Variants in ELMO1 observed in about 807,000 individuals in gnomAD.
ELMO1 encodes the protein engulfment and cell motility 1, also known as engulfment and cell motility protein 1.
Under a neutral mutation model 98.9 loss-of-function variants are expected in ELMO1, and 26 were observed. The observed-to-expected ratio is 0.26, with a 90% CI of 0.19 to 0.36. ELMO1 has a LOEUF of 0.36. Among genes scored for constraint, ELMO1 ranks in the 10% least tolerant of loss-of-function variants. ELMO1 has a pLI of 1.00. For missense variants in ELMO1, 627 were observed against 935.2 expected (o/e 0.67, Z 4.30); for synonymous variants, 346 against 346.0 (o/e 1.00, Z 0.00).
intron 15 of ELMO1, among the ~76,000 whole-genome samples, chr7:37,081,605 G>A (rs966372572): frequency 1.3e-5 from 2 of 152,202 alleles, no homozygotes; most frequent in African/African-American, 2.4e-5. Context: ...CACGAGACAA[G>A]GGGAAACCCC....
chr7:37,030,248 T>A (rs549162109), intron 15 of ELMO1, among the ~76,000 whole-genome samples: 3 of 152,344 alleles, frequency 2.0e-5, no homozygotes, highest in African/African-American at 7.2e-5. Context: ...AACTTCCTCC[T>A]ATGTGAAATG....
At chr7:37,123,533 C>G (rs1276049856) in intron 14 of ELMO1, among the ~76,000 whole-genome samples, 1 of 152,194 alleles carries the variant, frequency 6.6e-6, no homozygotes, top group African/African-American at 2.4e-5. Context: ...ACTAGAAAAT[C>G]TAGAAGAAAT....
At chr7:37,333,302 A>C (rs1800233226) in intron 2 of ELMO1, among the ~76,000 whole-genome samples, 1 of 152,202 alleles carries the variant, frequency 6.6e-6, no homozygotes, top group Non-Finnish European at 1.5e-5. Flanking sequence ...ATAAGCACAA[A>C]GTGTAACATT....
chr7:37,367,819 A>T (rs1449568158), intron 1 of ELMO1, among the ~76,000 whole-genome samples: 1 of 152,220 alleles, frequency 6.6e-6, no homozygotes, highest in African/African-American at 2.4e-5. Context: ...ATTTTATAGC[A>T]TATAAAGCAA....
chr7:37,339,352 T>C (rs1800595340), intron 2 of ELMO1, among the ~76,000 whole-genome samples: 1 of 152,182 alleles, frequency 6.6e-6, no homozygotes, highest in Admixed American at 6.5e-5. Context: ...GTTCAGTTGA[T>C]AGACAAGGAC....
intron 20 of ELMO1, among the ~76,000 whole-genome samples, chr7:36,863,214 C>A (rs1802769433): frequency 6.6e-6 from 1 of 152,172 alleles, no homozygotes; most frequent in African/African-American, 2.4e-5. Context: ...GGGAGCTATT[C>A]TGCAAAAATG....
chr7:37,434,200 T>C (rs1805048210), intron 1 of ELMO1, among the ~76,000 whole-genome samples: 1 of 152,208 alleles, frequency 6.6e-6, no homozygotes, highest in African/African-American at 2.4e-5. Context: ...GGTTGCCTCA[T>C]TAGGTGGTAC....
chr7:37,119,102 C>G (rs376441821), intron 14 of ELMO1, among the ~76,000 whole-genome samples: 1 of 152,120 alleles, frequency 6.6e-6, no homozygotes, highest in South Asian at 2.1e-4. Flanking sequence ...AGGGGTGGTG[C>G]AAGAAATAAA....
At chr7:37,407,728 T>C (rs1223789337) in intron 1 of ELMO1, among the ~76,000 whole-genome samples, 1 of 152,186 alleles carries the variant, frequency 6.6e-6, no homozygotes, top group Non-Finnish European at 1.5e-5. Flanking sequence ...TTCTTTTGTA[T>C]GACAGAATAA....
rs1213700004 is a variant in ELMO1 at position 36,870,407 on chromosome 7, G to A, written c.1891C>T (p.Leu631Phe). The A allele has an allele frequency of 5.6e-6, 9 of 1,614,064 alleles. No individual in the cohort carries two copies. Among genetic ancestry groups the A allele is most frequent in the Admixed American group, 5.0e-5 (3 of 60,022 alleles). ...DCPHMKEKGALKQNKEVLELA... is the reference protein window; with the variant it reads ...DCPHMKEKGAFKQNKEVLELA... ...GGAAATCATACCTTGTTTTGTTTAA[G>A]GGCACCTTTCTCTTTCATATGAGGG... Residue 631 changes from leucine (L) to phenylalanine (F), a missense_variant, in exon 20 of 22, where the codon CTT becomes TTT. By Grantham distance (22) the Leu-to-Phe change is conservative. Coordinates refer to ENST00000310758, the MANE Select transcript of ELMO1 (RefSeq NM_014800.11). The surrounding 1 kb of genome is among the most constrained non-coding windows in gnomAD (Gnocchi z 4.4).
rs555659389 is a variant in ELMO1, at chr7:37,403,932, A to G, written c.-74+44743T>C. Among the ~76,000 whole-genome samples, 5 of 152,314 alleles carry G rather than the reference A, an allele frequency of 3.3e-5. No individual in the cohort carries two copies. In the East Asian group the frequency reaches 9.7e-4, roughly 29 times the overall value. On this transcript the variant is annotated intron_variant, in intron 1 of 21. Coordinates refer to ENST00000310758, the MANE Select transcript of ELMO1 (RefSeq NM_014800.11). ...TTGTTGTTCATTCATAATAATGGAT[A>G]CTAGTTTAATTATAACAAATGTACC...
chr7:37,360,047 C>T (rs994229558), intron 1 of ELMO1, among the ~76,000 whole-genome samples: 1 of 152,138 alleles, frequency 6.6e-6, no homozygotes, highest in African/African-American at 2.4e-5. Flanking sequence ...TCATAATTTC[C>T]GTTCTGGTAA....
intron 13 of ELMO1, among the ~76,000 whole-genome samples, chr7:37,198,645 C>T (rs1216411313): frequency 6.6e-6 from 1 of 152,236 alleles, no homozygotes; most frequent in Non-Finnish European, 1.5e-5. Flanking sequence ...AATTGACTTG[C>T]TTATACATTA....
intron 13 of ELMO1, among the ~76,000 whole-genome samples, chr7:37,167,921 T>C (rs1344553944): frequency 6.6e-6 from 1 of 152,298 alleles, no homozygotes; most frequent in South Asian, 2.1e-4. Flanking sequence ...CTGGATAATA[T>C]CCTGTAGAGT....
intron 16 of ELMO1, among the ~76,000 whole-genome samples, chr7:36,922,696 A>T (rs1162097919): frequency 1.3e-5 from 2 of 152,198 alleles, no homozygotes; most frequent in Admixed American, 6.5e-5. Flanking sequence ...TCAAAGGGGC[A>T]TGGTGGCTGA....
intron 21 of ELMO1, among the ~76,000 whole-genome samples, chr7:36,857,820 T>C (rs1332610641): frequency 2.0e-5 from 3 of 152,090 alleles, no homozygotes; most frequent in Non-Finnish European, 4.4e-5. Context: ...CTAAATATCA[T>C]TTCCCACTAC....
At chr7:37,290,633 A>G (rs1180570228) in intron 4 of ELMO1, among the ~76,000 whole-genome samples, 1 of 152,252 alleles carries the variant, frequency 6.6e-6, no homozygotes, top group African/African-American at 2.4e-5. Flanking sequence ...CTTTAAGGGC[A>G]AAAATGGTTA....
chr7:36,900,804 TA>T (rs1238894185), intron 16 of ELMO1, among the ~76,000 whole-genome samples: 1 of 152,236 alleles, frequency 6.6e-6, no homozygotes, highest in Non-Finnish European at 1.5e-5. Context: ...CCAGTCTAGC[TA>T]AAAATGACTC....
chr7:36,965,753 A>G (rs1789369354), intron 16 of ELMO1, among the ~76,000 whole-genome samples: 1 of 152,198 alleles, frequency 6.6e-6, no homozygotes, highest in Non-Finnish European at 1.5e-5. Flanking sequence ...AATGGGAAAA[A>G]AAAACCCATT....
Sources: gnomAD v4.1 joint callset for allele counts (sites outside exome capture counted in the v4.1 genomes callset) on GRCh38, gnomAD v4.1.1 for gene constraint, Gnocchi (gnomAD v3.1) non-coding constraint, MANE v1.5 for transcripts, NCBI Gene and HGNC (gene_info 2026-07-23, HGNC 2026-07-21) for gene names.